SUSD4: variants seen among roughly 807,000 people sequenced by gnomAD.
SUSD4 encodes the protein sushi domain containing 4, also known as sushi domain-containing protein 4.
Under a neutral mutation model 50.5 loss-of-function variants are expected in SUSD4, and 41 were observed. That is an observed-to-expected ratio of 0.81 (90% CI 0.63 to 1.05). The LOEUF (loss-of-function observed/expected upper bound fraction) is 1.05, where lower values mean the gene tolerates loss of function less well. SUSD4 is among the 50% of genes least tolerant of loss of function. SUSD4 has a pLI of 0.00. For missense variants in SUSD4, 580 were observed against 634.7 expected, an observed-to-expected ratio of 0.91 and a Z score of 0.93; for synonymous variants, 257 against 257.3, an observed-to-expected ratio of 1.00 and a Z score of 0.01.
Position 223,278,217 on chromosome 1 carries a change from G to A in SUSD4, c.362-9542C>T, listed in dbSNP as rs142590868. On this transcript the variant is annotated intron_variant, in intron 3 of 8. Coordinates refer to ENST00000366878, the MANE Select transcript of SUSD4 (RefSeq NM_017982.4). ...CACTGGGGCTTGTCAGACAGTGGGG[G>A]TAGGACAGTGGGTGCAGCCCACCGA... Among the ~76,000 whole-genome samples the A allele has an allele frequency of 5.4e-3, 819 of 152,222 alleles. 44 individuals are homozygous for A. The East Asian group carries it at 0.12, about 22-fold the overall frequency.
chr1:223,317,101 G>A (rs1666242352), intron 2 of SUSD4, among the ~76,000 whole-genome samples: 1 of 152,190 alleles, frequency 6.6e-6, no homozygotes, highest in Non-Finnish European at 1.5e-5. Context: ...TTAAGGCATT[G>A]TAAGCCACAG....
At chr1:223,266,113 A>G (rs1030128801) in intron 4 of SUSD4, among the ~76,000 whole-genome samples, 2 of 152,272 alleles carry the variant, frequency 1.3e-5, no homozygotes, top group Admixed American at 6.5e-5. Flanking sequence ...GGCAGTGCCA[A>G]TCCTGCACTG....
Position 223,292,564 on chromosome 1 carries a change from G to C in SUSD4, c.236C>G (p.Ser79Cys), listed in dbSNP as rs1330931623. The change falls in exon 3 of 9, where the codon TCT becomes TGT. Residue 79 changes from serine (S) to cysteine (C), a missense_variant. Transcript: ENST00000366878. The part of the protein sequence containing the change: ...TPSGGVFFEG[S>C]VARFHCQDGF... The stretch of plus-strand genomic sequence containing the variant: ...GTCTTGGCAGTGAAATCGGGCTACA[G>C]AGCCTTCAAAGAAAACCCCTCCGCT... The C allele has an allele frequency of 1.2e-6, 2 of 1,614,040 alleles. No homozygotes were observed. Among genetic ancestry groups the C allele is most frequent in the Non-Finnish European group, 1.7e-6 (2 of 1,180,032 alleles).
At chr1:223,348,367 A>T (rs1221247093) in intron 2 of SUSD4, among the ~76,000 whole-genome samples, 1 of 152,128 alleles carries the variant, frequency 6.6e-6, no homozygotes, top group Non-Finnish European at 1.5e-5. Flanking sequence ...TTTGAATCTT[A>T]CCTATCATTC....
intron 7 of SUSD4, among the ~76,000 whole-genome samples, chr1:223,224,681 C>T (rs1209380513): frequency 1.3e-5 from 2 of 152,000 alleles, no homozygotes; most frequent in Non-Finnish European, 2.9e-5. Flanking sequence ...CACGTGGGCG[C>T]GCACACAGTT....
At chr1:223,274,262 T>C (rs1663111280) in intron 3 of SUSD4, among the ~76,000 whole-genome samples, 1 of 152,176 alleles carries the variant, frequency 6.6e-6, no homozygotes, top group African/African-American at 2.4e-5. Flanking sequence ...GACGAATGAT[T>C]TGACCACCAG....
chr1:223,221,010 T>A lies in SUSD4; in HGVS notation c.*1182A>T. 1 of 400,792 alleles carries A rather than the reference T, an allele frequency of 2.5e-6. No individual in the cohort carries two copies. Among genetic ancestry groups the A allele is most frequent in the Non-Finnish European group, 4.4e-6 (1 of 226,240 alleles). The allele number at this position is 400,792 out of a possible 1,614,324, so 24.8% of individuals were successfully genotyped here. On this transcript the variant is annotated 3_prime_UTR_variant, in exon 9 of 9. Coordinates refer to ENST00000366878, the MANE Select transcript of SUSD4 (RefSeq NM_017982.4). Reference sequence around the variant, plus strand: ...ATCAACATGTATTTGAAGAGACACTTCAGGACACTTTGGGAAATTTTTTAA... The same window carrying A: ...ATCAACATGTATTTGAAGAGACACTACAGGACACTTTGGGAAATTTTTTAA...
intron 2 of SUSD4, among the ~76,000 whole-genome samples, chr1:223,355,827 G>T (rs1290512669): frequency 6.6e-6 from 1 of 152,126 alleles, no homozygotes; most frequent in African/African-American, 2.4e-5. Context: ...GGATGATAAT[G>T]AAATGATCAC....
At position 223,331,970 on chromosome 1, in the gene SUSD4, T is replaced by C. The variant is rs76841390; in HGVS notation, c.148+31308A>G. Among the ~76,000 whole-genome samples the C allele has an allele frequency of 4.2e-3, 647 of 152,292 alleles. 10 individuals carry two copies. The highest frequency in any genetic ancestry group is 0.03 in the East Asian group (157 of 5,186). ...TTGAAATCCCAGTTTCCCATCCCCCTCACCATGCTGACCTCTCACCTGTGT... is the reference window on the plus strand; with the variant it reads ...TTGAAATCCCAGTTTCCCATCCCCCCCACCATGCTGACCTCTCACCTGTGT... On this transcript the variant is annotated intron_variant, in intron 2 of 8. Coordinates refer to ENST00000366878, the MANE Select transcript of SUSD4 (RefSeq NM_017982.4).
intron 2 of SUSD4, among the ~76,000 whole-genome samples, chr1:223,329,043 T>C (rs1041004886): frequency 1.1e-4 from 17 of 152,182 alleles, no homozygotes; most frequent in African/African-American, 3.6e-4. Flanking sequence ...TTGTGCAAAG[T>C]TGATGACCCC....
At position 223,290,688 on chromosome 1, in the gene SUSD4, A is replaced by AG. The variant is rs557963270; in HGVS notation, c.361+1750dup. Among the ~76,000 whole-genome samples, 594 of 152,112 alleles carry AG rather than the reference A, an allele frequency of 3.9e-3. 2 individuals are homozygous for AG. Among genetic ancestry groups the AG allele is most frequent in the Non-Finnish European group, 6.7e-3 (457 of 67,988 alleles). On this transcript the variant is annotated intron_variant, in intron 3 of 8. Coordinates refer to ENST00000366878, the MANE Select transcript of SUSD4 (RefSeq NM_017982.4). ...TACATGAATTCCATTAAATAAGTAG[A>AG]GAAAAAAAAAAGAATGACACATGCA...
chr1:223,293,023 C>A (rs1014891399), intron 2 of SUSD4, among the ~76,000 whole-genome samples: 2 of 152,092 alleles, frequency 1.3e-5, no homozygotes, highest in Non-Finnish European at 2.9e-5. Context: ...TGAGCCTGGC[C>A]TTGAGGAAGG....
chr1:223,248,220 A>G (rs1004428943), intron 5 of SUSD4, among the ~76,000 whole-genome samples: 2 of 152,176 alleles, frequency 1.3e-5, no homozygotes, highest in African/African-American at 4.8e-5. Context: ...GGCCTTGAGG[A>G]GCGTGGAGAA....
At chr1:223,329,411 T>C (rs1230547666) in intron 2 of SUSD4, among the ~76,000 whole-genome samples, 1 of 152,238 alleles carries the variant, frequency 6.6e-6, no homozygotes. Flanking sequence ...TTTCCCCATA[T>C]GTGCACTCTC....
intron 2 of SUSD4, among the ~76,000 whole-genome samples, chr1:223,308,698 AAAC>A (rs1665696561): frequency 6.6e-6 from 1 of 152,220 alleles, no homozygotes; most frequent in Non-Finnish European, 1.5e-5. Context: ...CAAAAAATGT[AAAC>A]AACTGTGCCA....
intron 3 of SUSD4, among the ~76,000 whole-genome samples, chr1:223,287,714 T>C (rs1477462725): frequency 6.6e-6 from 1 of 152,144 alleles, no homozygotes; most frequent in Non-Finnish European, 1.5e-5. Flanking sequence ...TCACTTAATA[T>C]GGATTTACCT....
chr1:223,350,012 C>T (rs965306270), intron 2 of SUSD4, among the ~76,000 whole-genome samples: 3 of 152,158 alleles, frequency 2.0e-5, no homozygotes, highest in Non-Finnish European at 4.4e-5. Flanking sequence ...CCGTCCCCAC[C>T]CCTGCACCCA....
chr1:223,236,288 AGT>A (rs1435983507), intron 5 of SUSD4, among the ~76,000 whole-genome samples: 2 of 152,196 alleles, frequency 1.3e-5, no homozygotes, highest in Non-Finnish European at 2.9e-5. Context: ...ATTTTCTACA[AGT>A]GTGTGGCTTG....
chr1:223,268,438 A>C, intron 4 of SUSD4, 64 bp downstream of exon 4: 1 of 1,542,486 alleles, frequency 6.5e-7, no homozygotes, highest in South Asian at 1.3e-5. Flanking sequence ...AAACATGTAC[A>C]CAGTCTACAA....
Sources: gnomAD v4.1 joint callset for allele counts (sites outside exome capture counted in the v4.1 genomes callset) on GRCh38, gnomAD v4.1.1 for gene constraint, MANE v1.5 for transcripts, NCBI Gene and HGNC (gene_info 2026-07-23, HGNC 2026-07-21) for gene names.